PIEZO2: variants seen among roughly 807,000 people sequenced by gnomAD.
PIEZO2 encodes the protein piezo-type mechanosensitive ion channel component 2.
In PIEZO2, 172 loss-of-function variants were observed where a neutral mutation model predicts 337.3. The ratio of observed to expected loss-of-function variants is 0.51; its 90% confidence interval spans 0.45 to 0.58. The LOEUF is 0.58. Among genes scored for constraint, PIEZO2 ranks in the 20% least tolerant of loss-of-function variants. The pLI is 0.00. For synonymous variants in PIEZO2, 1,251 were observed against 1,228.5 expected, an observed-to-expected ratio of 1.02 and a Z score of -0.38; for missense variants, 3,028 against 3,391.3, an observed-to-expected ratio of 0.89 and a Z score of 2.66.
intron 2 of PIEZO2, among the ~76,000 whole-genome samples, chr18:11,041,199 G>A (rs2037107572): frequency 1.3e-5 from 2 of 152,202 alleles, no homozygotes; most frequent in African/African-American, 4.8e-5. Context: ...GGAATAATCT[G>A]CCAGGGAACC....
intron 3 of PIEZO2, among the ~76,000 whole-genome samples, chr18:10,960,494 C>T (rs1232757623): frequency 6.6e-6 from 1 of 151,424 alleles, no homozygotes; most frequent in Non-Finnish European, 1.5e-5. Flanking sequence ...GGTATCATAA[C>T]ACCTTAGGCA....
chr18:10,886,402 A>ATG (rs2042599856), intron 4 of PIEZO2, among the ~76,000 whole-genome samples: 8 of 57,460 alleles, frequency 1.4e-4, no homozygotes, highest in African/African-American at 2.5e-4. Context: ...ATATATATAT[A>ATG]TATATATATA....
chr18:11,075,879 C>T (rs996037269), intron 1 of PIEZO2, among the ~76,000 whole-genome samples: 4 of 151,056 alleles, frequency 2.6e-5, no homozygotes, highest in African/African-American at 4.9e-5. Context: ...AGCTCTGCCT[C>T]CCAGGTTCAT....
At chr18:11,018,241 G>A (rs971695833) in intron 2 of PIEZO2, among the ~76,000 whole-genome samples, 3 of 150,764 alleles carry the variant, frequency 2.0e-5, no homozygotes, top group Non-Finnish European at 4.4e-5. Context: ...GTGTGTGTGT[G>A]TGTTCTCTCT....
intron 47 of PIEZO2, among the ~76,000 whole-genome samples, chr18:10,691,677 T>C (rs1288428500): frequency 6.6e-6 from 1 of 151,002 alleles, no homozygotes; most frequent in East Asian, 1.9e-4. Flanking sequence ...TTTCTCACTA[T>C]GTAGATGATG....
intron 2 of PIEZO2, among the ~76,000 whole-genome samples, chr18:11,024,419 G>A (rs1365831219): frequency 1.3e-5 from 2 of 151,040 alleles, no homozygotes; most frequent in East Asian, 2.0e-4. Flanking sequence ...AGTGGCGGGC[G>A]CCTGTAGTCC....
chr18:11,051,099 G>A (rs752784127), intron 2 of PIEZO2, among the ~76,000 whole-genome samples: 6 of 151,996 alleles, frequency 3.9e-5, no homozygotes, highest in Non-Finnish European at 7.4e-5. Flanking sequence ...TCTGTCTTCT[G>A]GTTACTCCAG....
chr18:11,064,020 T>A (rs540826520), intron 2 of PIEZO2, among the ~76,000 whole-genome samples: 218 of 151,280 alleles, frequency 1.4e-3, no homozygotes, highest in Non-Finnish European at 2.6e-3. Flanking sequence ...ACTAATGATA[T>A]CTGATGAGCA....
At chr18:10,797,190 ATACATACCATCATATCATATCT>A (rs2039638070) in intron 12 of PIEZO2, among the ~76,000 whole-genome samples, 162 bp downstream of exon 12, 1 of 147,846 alleles carries the variant, frequency 6.8e-6, no homozygotes, top group Admixed American at 6.9e-5. Context: ...CCATCATATC[ATACATACCATCATATCATATCT>A]TACATACCAT....
At chr18:10,793,412 C>CT (rs995095864) in intron 13 of PIEZO2, among the ~76,000 whole-genome samples, 1 of 152,102 alleles carries the variant, frequency 6.6e-6, no homozygotes, top group Admixed American at 6.5e-5. Context: ...CGGAGTAACT[C>CT]TTTTTTTCCA....
chr18:10,681,956 C>T (rs942611350), intron 50 of PIEZO2, 148 bp downstream of exon 50: 14 of 893,032 alleles, frequency 1.6e-5, no homozygotes, highest in Non-Finnish European at 2.2e-5. Flanking sequence ...GTGTCTTCTG[C>T]ACCTTATTCA....
In PIEZO2 at chr18:11,070,946, A is replaced by C. The variant is rs913447020; in HGVS notation, c.65-4724T>G. Among the ~76,000 whole-genome samples, 43 of 152,296 alleles carry C rather than the reference A, an allele frequency of 2.8e-4. No individual in the cohort carries two copies. Among genetic ancestry groups the C allele is most frequent in the African/African-American group, 9.4e-4 (39 of 41,550 alleles). On this transcript the variant is annotated intron_variant, in intron 1 of 55. Transcript: ENST00000674853. The surrounding 1 kb of genome is among the most constrained non-coding windows in gnomAD (Gnocchi z 4.3). ...GAAGCACTAATCCCAGAATGCGGAC[A>C]ACAGGAGCATAGCACACTCCAGCCA...
chr18:11,042,221 A>C (rs2145811997), intron 2 of PIEZO2, among the ~76,000 whole-genome samples: 1 of 152,322 alleles, frequency 6.6e-6, no homozygotes, highest in Admixed American at 6.5e-5. Context: ...ATGACTTCTC[A>C]GAGGACAGAC....
intron 49 of PIEZO2, among the ~76,000 whole-genome samples, chr18:10,688,167 C>T (rs1284918249): frequency 6.6e-6 from 1 of 152,040 alleles, no homozygotes; most frequent in Admixed American, 6.6e-5. Flanking sequence ...GCCCCCTACC[C>T]CCTGACAGGC....
At position 10,752,628 on chromosome 18, in the gene PIEZO2, C is replaced by A; in HGVS notation, c.4167+8G>T. The A allele has an allele frequency of 6.5e-7, 1 of 1,536,842 alleles. No homozygotes were observed. The highest frequency in any genetic ancestry group is 8.7e-7 in the Non-Finnish European group (1 of 1,146,648). ...CCGCAAATGTGTTATGCAGTGGCAA[C>A]CACTTACTGACAGGATATTTTTCAT... On this transcript the variant is annotated splice_region_variant and intron_variant, in intron 28 of 55. Transcript: ENST00000674853.
At chr18:10,681,227 C>T (rs1280459781) in intron 51 of PIEZO2, among the ~76,000 whole-genome samples, 2 of 152,170 alleles carry the variant, frequency 1.3e-5, no homozygotes, top group Non-Finnish European at 2.9e-5. Context: ...TCATGTAATA[C>T]ATCTGCCTTA....
rs1206395430 is a variant in PIEZO2 at position 10,724,852 on chromosome 18, C to T, written c.5029+6555G>A. 2 of 1,605,122 alleles carry T rather than the reference C, an allele frequency of 1.2e-6. No individual in the cohort carries two copies. Among genetic ancestry groups the T allele is most frequent in the African/African-American group, 1.3e-5 (1 of 74,788 alleles). ...CCTGGGCCACGGCGGCCACATGCGT[C>T]GCAGTGAGAGCACCTACTCTGTAAA... On this transcript the variant is annotated intron_variant, in intron 36 of 55. Transcript: ENST00000674853. The surrounding 1 kb of genome is among the most constrained non-coding windows in gnomAD (Gnocchi z 5.8).
At chr18:10,823,616 A>G (rs2040584438) in intron 7 of PIEZO2, among the ~76,000 whole-genome samples, 1 of 152,238 alleles carries the variant, frequency 6.6e-6, no homozygotes, top group South Asian at 2.1e-4. Flanking sequence ...CCTTCCTTAA[A>G]TGGAAACAAC....
rs2039113620 is a variant in PIEZO2, at chr18:11,092,214, A to G, written c.65-25992T>C. On this transcript the variant is annotated intron_variant, in intron 1 of 55. Transcript: ENST00000674853. This position sits in a 1 kb window ranked among gnomAD's most constrained non-coding sequence, Gnocchi z 4.5. ...CACATCATTAGAAGCACTATTTACAAAAACAAAGAACAGGAAATAACAATG... is the reference window on the plus strand; with the variant it reads ...CACATCATTAGAAGCACTATTTACAGAAACAAAGAACAGGAAATAACAATG... Among the ~76,000 whole-genome samples the G allele has an allele frequency of 6.6e-6, 1 of 152,242 alleles. No homozygotes were observed. Among genetic ancestry groups the G allele is most frequent in the Admixed American group, 6.5e-5 (1 of 15,278 alleles).
Sources: allele counts gnomAD v4.1 joint callset (sites outside exome capture counted in the v4.1 genomes callset), GRCh38; gene constraint gnomAD v4.1.1; non-coding constraint Gnocchi (gnomAD v3.1); transcripts MANE v1.5; gene names NCBI Gene and HGNC (gene_info 2026-07-23, HGNC 2026-07-21).